ANK1: variants seen among roughly 807,000 people sequenced by gnomAD.
ANK1 encodes the protein ankyrin 1, also known as ankyrin-1.
ANK1 carries 51 observed loss-of-function variants against 210.4 expected under a neutral mutation model. The observed-to-expected ratio is 0.24, with a 90% CI of 0.19 to 0.31. ANK1 has a LOEUF of 0.31. Ranked by LOEUF, ANK1 falls within the 10% of genes least tolerant of loss-of-function variation. The probability of loss-of-function intolerance (pLI) is 1.00; values close to 1 mark genes in which losing one functional copy is unlikely to be tolerated. For synonymous variants in ANK1, 967 were observed against 1,025.9 expected, an observed-to-expected ratio of 0.94 and a Z score of 1.10; for missense variants, 2,051 against 2,504.4, an observed-to-expected ratio of 0.82 and a Z score of 3.86.
At chr8:41,822,138 GAAAGAAAGAA>G (rs1804516189) in intron 1 of ANK1, among the ~76,000 whole-genome samples, 2 of 29,770 alleles carry the variant, frequency 6.7e-5, no homozygotes, top group Non-Finnish European at 8.2e-5. Context: ...GAAAGAGAAA[GAAAGAAAGAA>G]AGAAAGAAAG....
At chr8:41,813,348 T>C (rs2150784660) in intron 1 of ANK1, among the ~76,000 whole-genome samples, 1 of 152,214 alleles carries the variant, frequency 6.6e-6, no homozygotes, top group East Asian at 1.9e-4. Context: ...TGGGAGAAAT[T>C]CTGAAATGTT....
intron 1 of ANK1, among the ~76,000 whole-genome samples, chr8:41,885,577 G>A (rs1818325119): frequency 6.6e-6 from 1 of 152,194 alleles, no homozygotes; most frequent in Non-Finnish European, 1.5e-5. Flanking sequence ...GAGACTACTG[G>A]CTGGATCCAT....
intron 1 of ANK1, among the ~76,000 whole-genome samples, chr8:41,771,665 A>T (rs2150734545): frequency 6.6e-6 from 1 of 152,278 alleles, no homozygotes; most frequent in South Asian, 2.1e-4. Flanking sequence ...GTCTCCTTGC[A>T]GGTCTCTCTG....
chr8:41,826,332 G>T (rs897743958), intron 1 of ANK1, among the ~76,000 whole-genome samples: 2 of 152,286 alleles, frequency 1.3e-5, no homozygotes, highest in Non-Finnish European at 1.5e-5. Context: ...CTGTAGGAAA[G>T]GTGGGAGCTC....
intron 1 of ANK1, among the ~76,000 whole-genome samples, chr8:41,895,332 GTTC>G (rs66461931): frequency 0.16 from 24,460 of 152,096 alleles, 2,500 homozygotes; most frequent in East Asian, 0.4. Context: ...TGAATCCAGA[GTTC>G]AGCATCTCCG....
intron 40 of ANK1, 112 bp downstream of exon 40, chr8:41,663,547 G>T: frequency 1.8e-6 from 2 of 1,090,808 alleles, no homozygotes; most frequent in Non-Finnish European, 2.8e-6. Context: ...AGCCAGCCTG[G>T]CTGTGCTCAC....
chr8:41,665,392 T>A, intron 39 of ANK1: 1 of 756,730 alleles, frequency 1.3e-6, no homozygotes, highest in Non-Finnish European at 1.9e-6. Flanking sequence ...AAAGCACAAG[T>A]GAAAGTCACT....
At chr8:41,879,091 T>C (rs1817127871) in intron 1 of ANK1, among the ~76,000 whole-genome samples, 1 of 151,594 alleles carries the variant, frequency 6.6e-6, no homozygotes, top group Admixed American at 6.6e-5. Context: ...ATTGAAAAAT[T>C]AAAAAAAATG....
chr8:41,895,263 G>A (rs549439273), intron 1 of ANK1, among the ~76,000 whole-genome samples: 1 of 152,350 alleles, frequency 6.6e-6, no homozygotes, highest in Non-Finnish European at 1.5e-5. Flanking sequence ...CCCACTCCTT[G>A]CTGGGGAGCC....
At chr8:41,772,999 C>T (rs1440023338) in intron 1 of ANK1, among the ~76,000 whole-genome samples, 2 of 152,182 alleles carry the variant, frequency 1.3e-5, no homozygotes, top group Non-Finnish European at 2.9e-5. Context: ...TAGGAAGGAA[C>T]TTTACAGAAT....
chr8:41,673,173 G>C (rs927072731), intron 37 of ANK1, among the ~76,000 whole-genome samples: 1 of 152,082 alleles, frequency 6.6e-6, no homozygotes, highest in Admixed American at 6.6e-5. Flanking sequence ...ATGGGGGAGC[G>C]CCCTGCTGGA....
intron 5 of ANK1, 103 bp from the exon 6 acceptor site, chr8:41,726,049 A>G (rs1413765099): frequency 1.5e-6 from 2 of 1,332,036 alleles, no homozygotes; most frequent in Non-Finnish European, 2.1e-6. Context: ...CAGCAGCCCC[A>G]GCCTGAGGGA....
Position 41,688,429 on chromosome 8 carries a change from C to T in ANK1, c.4183+82G>A, listed in dbSNP as rs1273012786. On this transcript the variant is annotated intron_variant, in intron 34 of 42. Coordinates refer to ENST00000289734, the MANE Select transcript of ANK1 (RefSeq NM_000037.4). Reference sequence around the variant, plus strand: ...GAGCGAGCGGCACCTCAGCAGAACCCTCACAGGGCTGCGGGGAGATGAGCT... The same window carrying T: ...GAGCGAGCGGCACCTCAGCAGAACCTTCACAGGGCTGCGGGGAGATGAGCT... 3.9e-6 allele frequency: 6 copies of T among 1,545,926 alleles called. No homozygotes were observed. In the South Asian group the frequency reaches 4.5e-5, roughly 12 times the overall value.
At chr8:41,798,839 C>T (rs1849357688), upstream of ANK1, among the ~76,000 whole-genome samples, 1 of 152,158 alleles carries the variant, frequency 6.6e-6, no homozygotes, top group Non-Finnish European at 1.5e-5. Context: ...TGCTTGGCCT[C>T]CTGCTGGGCC....
intron 17 of ANK1, among the ~76,000 whole-genome samples, chr8:41,707,880 C>T (rs915681402): frequency 6.6e-6 from 1 of 152,134 alleles, no homozygotes; most frequent in Non-Finnish European, 1.5e-5. Context: ...AAATGCTTGC[C>T]TTTCTGAATG....
intron 1 of ANK1, among the ~76,000 whole-genome samples, chr8:41,892,168 C>A (rs1429136104): frequency 6.6e-6 from 1 of 152,080 alleles, no homozygotes; most frequent in Non-Finnish European, 1.5e-5. Flanking sequence ...ACTTTCCCCC[C>A]TCCATCCCAC....
intron 2 of ANK1, among the ~76,000 whole-genome samples, chr8:41,754,280 A>G (rs1001980692): frequency 6.6e-6 from 1 of 152,218 alleles, no homozygotes; most frequent in African/African-American, 2.4e-5. Context: ...CATTCACATA[A>G]GGGGGTTCCT....
chr8:41,665,081 G>C (rs1039445398), intron 39 of ANK1: 64 of 1,592,932 alleles, frequency 4.0e-5, no homozygotes, highest in Middle Eastern at 1.6e-4. Flanking sequence ...ACCACGGGGG[G>C]CCTGCCTCTC....
intron 31 of ANK1, among the ~76,000 whole-genome samples, chr8:41,691,994 G>A (rs1819389369): frequency 6.6e-6 from 1 of 151,884 alleles, no homozygotes; most frequent in Non-Finnish European, 1.5e-5. Flanking sequence ...AGCCTGGCCA[G>A]CACTTTTATT....
Sources: gnomAD v4.1 joint callset for allele counts (sites outside exome capture counted in the v4.1 genomes callset) on GRCh38, gnomAD v4.1.1 for gene constraint, MANE v1.5 for transcripts, NCBI Gene and HGNC (gene_info 2026-07-23, HGNC 2026-07-21) for gene names.